Variants in SPRED2 observed in about 807,000 individuals in gnomAD.
SPRED2 encodes the protein sprouty related EVH1 domain containing 2.
In SPRED2, 47 loss-of-function variants were observed where a neutral mutation model predicts 43.0. The ratio of observed to expected loss-of-function variants is 1.09; its 90% confidence interval spans 0.87 to 1.40. The LOEUF (loss-of-function observed/expected upper bound fraction) is 1.40. SPRED2 is among the 40% of genes most tolerant of loss of function. The probability of loss-of-function intolerance (pLI) is 0.00; values close to 1 mark genes in which losing one functional copy is unlikely to be tolerated. For missense variants in SPRED2, 561 were observed against 586.4 expected (o/e 0.96, Z 0.45); for synonymous variants, 225 against 225.7 (o/e 1.00, Z 0.03).
At chr2:65,406,985 G>A (rs1266638851) in intron 1 of SPRED2, among the ~76,000 whole-genome samples, 3 of 151,398 alleles carry the variant, frequency 2.0e-5, no homozygotes, top group Non-Finnish European at 1.5e-5. Context: ...CTGGAGTGCA[G>A]TGGTGCCATC....
At position 65,311,047 on chromosome 2, in the gene SPRED2, A is replaced by T; in HGVS notation, c.*2454T>A. 1.0e-6 allele frequency: 1 copy of T among 985,598 alleles called. No homozygotes were observed. The highest frequency in any genetic ancestry group is 1.2e-6 in the Non-Finnish European group (1 of 829,656). The allele number at this position is 985,598 out of a possible 1,614,324, so 61.1% of individuals were successfully genotyped here. A position where few individuals can be genotyped will look rare whatever the true frequency, so the allele number is the denominator to read the frequency against. ...AGGGTTTTTAGTATACAGGTAAAGA[A>T]TGAATTATGCTTCAGGCACTTTAAT... is the stretch of plus-strand genomic sequence containing the variant. On this transcript the variant is annotated 3_prime_UTR_variant, in exon 6 of 6. Coordinates refer to ENST00000356388, the MANE Select transcript of SPRED2 (RefSeq NM_181784.3).
At chr2:65,308,587 AG>A (rs1474622172), downstream of SPRED2, 1 of 985,318 alleles carries the variant, frequency 1.0e-6, no homozygotes, top group Non-Finnish European at 1.2e-6. Flanking sequence ...AGAATAAAAA[AG>A]GGACTGAGAA....
intron 5 of SPRED2, among the ~76,000 whole-genome samples, chr2:65,316,448 C>A (rs1316072542): frequency 6.6e-6 from 1 of 152,210 alleles, no homozygotes; most frequent in Non-Finnish European, 1.5e-5. Flanking sequence ...GCCTCAGCTT[C>A]CTCATCGATA....
At chr2:65,387,990 A>C (rs919877379) in intron 1 of SPRED2, among the ~76,000 whole-genome samples, 3 of 152,240 alleles carry the variant, frequency 2.0e-5, no homozygotes, top group African/African-American at 7.2e-5. Context: ...ACAGGGTTTC[A>C]CCATGTTGGC....
At chr2:65,405,561 C>T (rs959421577) in intron 1 of SPRED2, among the ~76,000 whole-genome samples, 1 of 152,104 alleles carries the variant, frequency 6.6e-6, no homozygotes, top group Non-Finnish European at 1.5e-5. Context: ...CAAAACTCCC[C>T]CAATTAAGTC....
At chr2:65,395,130 CT>C (rs1558682874) in intron 1 of SPRED2, among the ~76,000 whole-genome samples, 1 of 152,166 alleles carries the variant, frequency 6.6e-6, no homozygotes, top group African/African-American at 2.4e-5. Context: ...TGCCTGACCC[CT>C]GTCATTCCAC....
At chr2:65,307,767 A>T (rs1371477419), downstream of SPRED2, among the ~76,000 whole-genome samples, 2 of 152,204 alleles carry the variant, frequency 1.3e-5, no homozygotes, top group Non-Finnish European at 2.9e-5. Context: ...TACAACTGGT[A>T]TCTGGTTCTA....
chr2:65,423,677 A>G (rs1310398177), intron 1 of SPRED2, among the ~76,000 whole-genome samples: 1 of 152,170 alleles, frequency 6.6e-6, no homozygotes, highest in Non-Finnish European at 1.5e-5. Flanking sequence ...ACCTTATTAC[A>G]TGATGGGGGA....
At chr2:65,353,473 T>C (rs1392874596) in intron 1 of SPRED2, among the ~76,000 whole-genome samples, 1 of 152,362 alleles carries the variant, frequency 6.6e-6, no homozygotes, top group East Asian at 1.9e-4. Context: ...TTAAACTTAA[T>C]AATTTATCAA....
Position 65,334,666 on chromosome 2 carries a change from G to A in SPRED2, c.312C>T (p.Ser104=). 1 of 1,614,208 alleles carries A rather than the reference G, an allele frequency of 6.2e-7. No individual in the cohort carries two copies. Among genetic ancestry groups the A allele is most frequent in the Non-Finnish European group, 8.5e-7 (1 of 1,180,048 alleles). The change falls in exon 3 of 6, where the codon AGC becomes AGT. Residue 104 remains serine (S), a synonymous_variant. Coordinates refer to ENST00000356388, the MANE Select transcript of SPRED2 (RefSeq NM_181784.3). ...DNRKFGLTFQ[S]PADARAFDRG... Reference sequence around the variant, plus strand: ...TGTCAAAGGCTCGGGCATCAGCAGGGCTTTGGAAAGTAAGTCCAAACTTCC... The same window carrying A: ...TGTCAAAGGCTCGGGCATCAGCAGGACTTTGGAAAGTAAGTCCAAACTTCC...
rs188937785 is a variant in SPRED2, at chr2:65,401,406, A to G, written c.26+30556T>C. On this transcript the variant is annotated intron_variant, in intron 1 of 5. Transcript: ENST00000356388. ...CCCAGGTGACTCACATGCATATCAAATGTTTACAAACAGATTTACAGTTAG... is the reference window on the plus strand; with the variant it reads ...CCCAGGTGACTCACATGCATATCAAGTGTTTACAAACAGATTTACAGTTAG... Among the ~76,000 whole-genome samples the G allele has an allele frequency of 2.6e-4, 39 of 152,198 alleles. No individual in the cohort carries two copies. The East Asian group carries it at 6.8e-3, about 26-fold the overall frequency.
In SPRED2 at chr2:65,344,782, C is replaced by T. The variant is rs745583719; in HGVS notation, c.141G>A (p.Met47Ile). Residue 47 changes from methionine (M) to isoleucine (I), a missense_variant, in exon 2 of 6, where the codon ATG becomes ATA. By Grantham distance (10) the Met-to-Ile change is conservative (BLOSUM62 1). Around this residue, in one of 6 missense-constraint regions of SPRED2, gnomAD observed 305 missense variants for 282.4 expected, o/e 1.08. Coordinates refer to ENST00000356388, the MANE Select transcript of SPRED2 (RefSeq NM_181784.3). ...GISRVGVCKV[M>I]HPEGNGRSGF... ...CGCTTCGTCCATTGCCTTCGGGGTG[C>T]ATGACCTTACAGACCCCGACGCGAC... 7.4e-6 allele frequency: 12 copies of T among 1,614,052 alleles called. No homozygotes were observed. The highest frequency in any genetic ancestry group is 1.3e-5 in the African/African-American group (1 of 74,936).
intron 1 of SPRED2, among the ~76,000 whole-genome samples, chr2:65,362,318 G>A (rs1309016128): frequency 6.6e-6 from 1 of 151,938 alleles, no homozygotes; most frequent in Non-Finnish European, 1.5e-5. Flanking sequence ...CGCCCAGGCT[G>A]GAGTGCAGTG....
intron 1 of SPRED2, chr2:65,377,964 G>A (rs1036002137): frequency 7.7e-6 from 2 of 260,938 alleles, no homozygotes; most frequent in East Asian, 8.8e-5. Flanking sequence ...CAGAAGCAGA[G>A]CACAGAAGTG....
chr2:65,392,812 C>G (rs1395246593), intron 1 of SPRED2, among the ~76,000 whole-genome samples: 1 of 152,204 alleles, frequency 6.6e-6, no homozygotes, highest in Non-Finnish European at 1.5e-5. Flanking sequence ...CAGGGACACT[C>G]AGTCCTCCCC....
At chr2:65,416,416 G>A (rs1001400436) in intron 1 of SPRED2, among the ~76,000 whole-genome samples, 1 of 152,122 alleles carries the variant, frequency 6.6e-6, no homozygotes, top group Admixed American at 6.5e-5. Flanking sequence ...TAGTTCTCCT[G>A]GTCACTGTTG....
intron 1 of SPRED2, chr2:65,366,657 A>G (rs983586494): frequency 6.5e-7 from 1 of 1,544,946 alleles, no homozygotes; most frequent in Non-Finnish European, 8.7e-7. Flanking sequence ...TATTGCTACT[A>G]TAAAGCTTCC....
intron 1 of SPRED2, among the ~76,000 whole-genome samples, chr2:65,430,870 A>C (rs1019563888): frequency 2.0e-4 from 30 of 152,138 alleles, no homozygotes; most frequent in African/African-American, 6.5e-4. Flanking sequence ...TATTCACAAA[A>C]AAAAAAAAGT....
intron 4 of SPRED2, among the ~76,000 whole-genome samples, chr2:65,329,783 G>A (rs1033687425): frequency 2.6e-5 from 4 of 152,184 alleles, no homozygotes; most frequent in Non-Finnish European, 5.9e-5. Flanking sequence ...CGTGACAAAG[G>A]AACAGATGTA....
Sources: gnomAD v4.1 joint callset for allele counts (sites outside exome capture counted in the v4.1 genomes callset) on GRCh38, gnomAD v4.1.1 for gene constraint, gnomAD v4.1.1 regional missense constraint, MANE v1.5 for transcripts, NCBI Gene and HGNC (gene_info 2026-07-23, HGNC 2026-07-21) for gene names.